The following BMF variants were observed in gnomAD, a reference collection of about 807,000 sequenced individuals.
BMF encodes bcl-2-modifying factor.
BMF carries 10 observed loss-of-function variants against 22.0 expected under a neutral mutation model. The observed-to-expected ratio is 0.45, with a 90% CI of 0.28 to 0.77. The LOEUF is 0.77. BMF is among the 30% of genes least tolerant of loss of function. The pLI is 0.13. For missense variants in BMF, 206 were observed against 226.8 expected (o/e 0.91, Z 0.59); for synonymous variants, 87 against 88.1 (o/e 0.99, Z 0.07).
At chr15:40,103,355 C>A (rs983598029) in intron 4 of BMF, among the ~76,000 whole-genome samples, 2 of 152,272 alleles carry the variant, frequency 1.3e-5, no homozygotes, top group African/African-American at 4.8e-5. Flanking sequence ...CCAGCCTTGG[C>A]AGCCATCCAG....
chr15:40,101,030 T>A (rs1289185865), intron 4 of BMF, among the ~76,000 whole-genome samples: 1 of 152,230 alleles, frequency 6.6e-6, no homozygotes, highest in Non-Finnish European at 1.5e-5. Context: ...TTGCTTTTCT[T>A]GGCTCTCTAA....
intron 4 of BMF, among the ~76,000 whole-genome samples, chr15:40,102,022 T>G: frequency 6.6e-6 from 1 of 152,124 alleles, no homozygotes; most frequent in Non-Finnish European, 1.5e-5. Flanking sequence ...GCACCTCCAC[T>G]TTCCTTCTCC....
intron 4 of BMF, among the ~76,000 whole-genome samples, chr15:40,103,476 C>G (rs533666563): frequency 6.6e-6 from 1 of 152,360 alleles, no homozygotes; most frequent in Non-Finnish European, 1.5e-5. Context: ...TCCTCCAGCA[C>G]GAGCCTGCCA....
At chr15:40,095,572 G>A (rs1438972626) in intron 4 of BMF, among the ~76,000 whole-genome samples, 1 of 152,174 alleles carries the variant, frequency 6.6e-6, no homozygotes, top group East Asian at 1.9e-4. Flanking sequence ...AACCAGGCCT[G>A]CCCTCCTAGA....
intron 3 of BMF, 107 bp from the exon 4 acceptor site, chr15:40,104,447 G>T: frequency 7.0e-7 from 1 of 1,433,416 alleles, no homozygotes; most frequent in Non-Finnish European, 9.5e-7. Flanking sequence ...ATCCTCATAT[G>T]AGAAAGGATA....
rs775524220 is a variant in BMF at position 40,091,886 on chromosome 15, G to A, written c.456C>T (p.His152=). ...ACCACACACGATTTTGGTTCTGCTG[G>A]TGCTGAAGGGAGAAAAAAAAAAAAG... is the stretch of plus-strand genomic sequence containing the variant. ...DQFHRLHVQQ[H]QQNQNRVWWQ... Residue 152 remains histidine, a splice_region_variant and synonymous_variant, in exon 5 of 5, where the codon CAC becomes CAT. Coordinates refer to ENST00000354670, the MANE Select transcript of BMF (RefSeq NM_001003940.2). 5 of 1,598,490 alleles carry A rather than the reference G, an allele frequency of 3.1e-6. No individual in the cohort carries two copies. Among genetic ancestry groups the A allele is most frequent in the Non-Finnish European group, 4.3e-6 (5 of 1,172,440 alleles).
intron 2 of BMF, among the ~76,000 whole-genome samples, chr15:40,107,881 G>T (rs1340509298): frequency 6.6e-6 from 1 of 152,090 alleles, no homozygotes; most frequent in Admixed American, 6.5e-5. Context: ...AGAAGGTGTG[G>T]CTCTGCAAGC....
chr15:40,089,410 G>A lies in BMF; in HGVS notation c.*2377C>T, dbSNP rs914473640. 1.3e-4 allele frequency: 20 copies of A among 152,274 alleles called. No individual in the cohort carries two copies. The highest frequency in any genetic ancestry group is 1.0e-3 in the Admixed American group (16 of 15,286). The allele number at this position is 152,274 out of a possible 1,614,324, so 9.4% of individuals were successfully genotyped here. On this transcript the variant is annotated 3_prime_UTR_variant, in exon 5 of 5. Transcript: ENST00000354670. ...GGTGGGGAAGAAGGGAGAGGGAAAC[G>A]TGAGGGGTGTAAATTTTGCCCTGGC... is the stretch of plus-strand genomic sequence containing the variant.
At chr15:40,105,741 C>T (rs898592782) in intron 3 of BMF, 54 bp downstream of exon 3, 24 of 1,517,774 alleles carry the variant, frequency 1.6e-5, no homozygotes, top group Non-Finnish European at 1.9e-5. Flanking sequence ...GAGGGAAAGT[C>T]CCCTCTTTTC....
At chr15:40,103,154 C>T (rs1285991866) in intron 4 of BMF, among the ~76,000 whole-genome samples, 1 of 152,252 alleles carries the variant, frequency 6.6e-6, no homozygotes, top group Non-Finnish European at 1.5e-5. Flanking sequence ...CTTCTAACCT[C>T]GGAGTCTGCC....
At position 40,106,580 on chromosome 15, in the gene BMF, TTA is replaced by T. The variant is rs2036594603; in HGVS notation, c.-5-491_-5-490del. 7.3e-6 allele frequency: 1 copy of T among 136,264 alleles called. No homozygotes were observed. Among genetic ancestry groups the T allele is most frequent in the African/African-American group, 2.6e-5 (1 of 38,370 alleles). The allele number at this position is 136,264 out of a possible 1,614,324, so 8.4% of individuals were successfully genotyped here. A position where few individuals can be genotyped will look rare whatever the true frequency, so the allele number is the denominator to read the frequency against. Reference sequence around the variant, plus strand: ...CAGAGTCATTGTCCCAAGGAAATTCTTATCTCAGTCTGAGCTGAGCTCCAGGC... The same window carrying T: ...CAGAGTCATTGTCCCAAGGAAATTCTTCTCAGTCTGAGCTGAGCTCCAGGC... On this transcript the variant is annotated intron_variant, in intron 2 of 4. Coordinates refer to ENST00000354670, the MANE Select transcript of BMF (RefSeq NM_001003940.2). The surrounding 1 kb of genome is among the most constrained non-coding windows in gnomAD (Gnocchi z 4.1).
rs1434472705 is a variant in BMF, at chr15:40,108,851, T to C, written c.-212A>G. ...ACAGGCCGGGGCGGGAGGAGGCCAC[T>C]CCGCACGGTGCGGTATTGTTTCCAA... On this transcript the variant is annotated 5_prime_UTR_variant, in exon 1 of 5. Transcript: ENST00000354670. The C allele has an allele frequency of 6.5e-6, 1 of 153,224 alleles. No homozygotes were observed. The highest frequency in any genetic ancestry group is 1.5e-5 in the Non-Finnish European group (1 of 68,240). The allele number at this position is 153,224 out of a possible 1,614,324, so 9.5% of individuals were successfully genotyped here. A position where few individuals can be genotyped will look rare whatever the true frequency, so the allele number is the denominator to read the frequency against.
intron 4 of BMF, among the ~76,000 whole-genome samples, chr15:40,097,866 C>G (rs192173960): frequency 1.3e-5 from 2 of 152,300 alleles, no homozygotes; most frequent in East Asian, 3.9e-4. Flanking sequence ...CTCACGAAAT[C>G]CCTGGGAGAT....
intron 4 of BMF, 32 bp from the exon 5 acceptor site, chr15:40,091,920 A>G (rs199995395): frequency 6.8e-7 from 1 of 1,479,408 alleles, no homozygotes; most frequent in Non-Finnish European, 9.3e-7. Context: ...AGACCAACAT[A>G]ACTCCCAAAC....
chr15:40,108,305 G>C lies in BMF; in HGVS notation c.-52C>G, dbSNP rs908177184. The C allele has an allele frequency of 7.8e-5, 12 of 153,206 alleles. No homozygotes were observed. The highest frequency in any genetic ancestry group is 2.9e-4 in the African/African-American group (12 of 41,562). 9.5% of individuals were successfully genotyped at this position (153,206 alleles called of 1,614,324 possible). A position where few individuals can be genotyped will look rare whatever the true frequency, so the allele number is the denominator to read the frequency against. ...TCTCGGCCTCCGAGTCGTGATGCCAGGGCTCCGCGCCAGGGTCCAGCGTGA... is the reference window on the plus strand; with the variant it reads ...TCTCGGCCTCCGAGTCGTGATGCCACGGCTCCGCGCCAGGGTCCAGCGTGA... On this transcript the variant is annotated 5_prime_UTR_variant, in exon 2 of 5. Coordinates refer to ENST00000354670, the MANE Select transcript of BMF (RefSeq NM_001003940.2).
chr15:40,105,259 C>T (rs1020918313), intron 3 of BMF, among the ~76,000 whole-genome samples: 3 of 152,236 alleles, frequency 2.0e-5, no homozygotes, highest in Admixed American at 6.5e-5. Context: ...TTTAAGCCCA[C>T]AAATGAAGGG....
intron 4 of BMF, among the ~76,000 whole-genome samples, chr15:40,097,548 T>C (rs578049493): frequency 1.0e-3 from 153 of 152,298 alleles, no homozygotes; most frequent in African/African-American, 3.5e-3. Context: ...GGACCATGGT[T>C]CCAGAATCCA....
intron 4 of BMF, among the ~76,000 whole-genome samples, chr15:40,101,650 C>T (rs1467087274): frequency 6.6e-6 from 1 of 152,186 alleles, no homozygotes; most frequent in Non-Finnish European, 1.5e-5. Flanking sequence ...TAGAAAATGA[C>T]TCACTTCTCA....
intron 4 of BMF, among the ~76,000 whole-genome samples, chr15:40,092,704 G>C (rs73390688): frequency 6.6e-6 from 1 of 152,206 alleles, no homozygotes; most frequent in Non-Finnish European, 1.5e-5. Flanking sequence ...TGGGAAGCTA[G>C]GGGCAAAGTT....
Sources: allele counts gnomAD v4.1 joint callset (sites outside exome capture counted in the v4.1 genomes callset), GRCh38; gene constraint gnomAD v4.1.1; non-coding constraint Gnocchi (gnomAD v3.1); transcripts MANE v1.5; gene names NCBI Gene and HGNC (gene_info 2026-07-23, HGNC 2026-07-21).